Variants in RTL4 observed in about 807,000 individuals in gnomAD.
RTL4 encodes retrotransposon Gag like 4, also known as retrotransposon Gag-like protein 4.
Under a neutral mutation model 5.3 loss-of-function variants are expected in RTL4, and 4 were observed. The ratio of observed to expected loss-of-function variants is 0.75; its 90% CI spans 0.37 to 1.72. RTL4 has a LOEUF of 1.72. RTL4 is among the 40% of genes most tolerant of loss of function. The pLI is 0.04. For synonymous variants in RTL4, 98 were observed against 87.3 expected (o/e 1.12, Z -0.68); for missense variants, 260 against 227.1 (o/e 1.14, Z -0.93).
chrX:112,085,880 A>G, the RTL4 span, among the ~76,000 whole-genome samples: 1 of 111,935 alleles, frequency 8.9e-6, no homozygotes. Flanking sequence ...CAAATTAGCT[A>G]AGTTTTGACA....
the RTL4 span, among the ~76,000 whole-genome samples, chrX:112,208,547 GA>G: frequency 8.9e-6 from 1 of 112,140 alleles, no homozygotes; most frequent in Non-Finnish European, 1.9e-5. Flanking sequence ...TGGAGAGACT[GA>G]AAAAGTCAAT....
the RTL4 span, among the ~76,000 whole-genome samples, chrX:112,374,088 G>A: frequency 4.5e-5 from 5 of 110,738 alleles, no homozygotes; most frequent in Non-Finnish European, 9.5e-5. Context: ...TGTGAAAAAT[G>A]TTTGCCTACC....
chrX:112,356,601 T>C, the RTL4 span, among the ~76,000 whole-genome samples: 1 of 110,479 alleles, frequency 9.1e-6, no homozygotes, highest in South Asian at 3.8e-4. Flanking sequence ...TGTGTGTGTG[T>C]GTGTGTGTGT....
At chrX:112,087,342 T>C in the RTL4 span, among the ~76,000 whole-genome samples, 2 of 109,280 alleles carry the variant, frequency 1.8e-5, no homozygotes, top group Admixed American at 1.9e-4. Flanking sequence ...TTTTTTTTTT[T>C]TTTTTCCAAT....
At chrX:112,179,451 G>A in the RTL4 span, among the ~76,000 whole-genome samples, 2 of 111,889 alleles carry the variant, frequency 1.8e-5, no homozygotes, top group South Asian at 7.6e-4. Context: ...TTCCTCTCTG[G>A]GTTATATGTT....
At chrX:112,185,609 T>G in the RTL4 span, among the ~76,000 whole-genome samples, 1 of 106,962 alleles carries the variant, frequency 9.3e-6, no homozygotes, top group Admixed American at 1.0e-4. Context: ...AGTATGGTGG[T>G]TAATCTCTCT....
At chrX:112,259,282 T>G in the RTL4 span, among the ~76,000 whole-genome samples, 6 of 111,815 alleles carry the variant, frequency 5.4e-5, no homozygotes, top group African/African-American at 1.9e-4. Flanking sequence ...TTTTGTTTTA[T>G]GCTTCTTAGT....
chrX:112,435,268 G>A, the RTL4 span, among the ~76,000 whole-genome samples: 1 of 111,619 alleles, frequency 9.0e-6, no homozygotes, highest in Non-Finnish European at 1.9e-5. Flanking sequence ...AAGCATCCTT[G>A]TATACTGACA....
the RTL4 span, among the ~76,000 whole-genome samples, chrX:112,288,235 CA>C: frequency 8.9e-6 from 1 of 112,029 alleles, no homozygotes; most frequent in African/African-American, 3.2e-5. Flanking sequence ...AGAAATAAAC[CA>C]AAGAAATAGT....
At chrX:112,102,819 CAT>C in the RTL4 span, among the ~76,000 whole-genome samples, 2 of 111,985 alleles carry the variant, frequency 1.8e-5, no homozygotes, top group Non-Finnish European at 3.8e-5. Flanking sequence ...GGACAACAAA[CAT>C]ATGAATAAAA....
chrX:112,372,689 A>G, the RTL4 span, among the ~76,000 whole-genome samples: 2 of 111,653 alleles, frequency 1.8e-5, no homozygotes, highest in Non-Finnish European at 3.8e-5. Flanking sequence ...CTGCTCTTCT[A>G]CTTTGCCCGC....
the RTL4 span, among the ~76,000 whole-genome samples, chrX:112,219,176 T>C: frequency 8.9e-6 from 1 of 112,063 alleles, no homozygotes; most frequent in East Asian, 2.8e-4. Context: ...AATGTACTTA[T>C]ATTTAATTCT....
At chrX:112,372,527 G>C in the RTL4 span, among the ~76,000 whole-genome samples, 20 of 110,916 alleles carry the variant, frequency 1.8e-4, no homozygotes, top group Non-Finnish European at 3.4e-4. Context: ...CCTGGGCTTT[G>C]GGGGAGGAAG....
chrX:112,304,160 T>C, the RTL4 span, among the ~76,000 whole-genome samples: 1 of 108,818 alleles, frequency 9.2e-6, no homozygotes, highest in Admixed American at 9.7e-5. Context: ...CCCAGTCATG[T>C]CTTTTTGTGG....
the RTL4 span, among the ~76,000 whole-genome samples, chrX:112,102,381 G>A: frequency 6.3e-5 from 7 of 111,034 alleles, no homozygotes; most frequent in African/African-American, 9.8e-5. Context: ...TAATCCTAGG[G>A]AAATTATAAA....
the RTL4 span, among the ~76,000 whole-genome samples, chrX:112,352,536 A>C: frequency 9.0e-6 from 1 of 111,163 alleles, no homozygotes; most frequent in Non-Finnish European, 1.9e-5. Context: ...GCATATCTAC[A>C]ACCATCTGAT....
At chrX:112,397,102 G>C in the RTL4 span, among the ~76,000 whole-genome samples, 1 of 111,751 alleles carries the variant, frequency 8.9e-6, no homozygotes, top group East Asian at 2.8e-4. Context: ...ACTATGCACA[G>C]CACCTACTTA....
the RTL4 span, among the ~76,000 whole-genome samples, chrX:112,092,572 A>G: frequency 1.8e-5 from 2 of 111,686 alleles, no homozygotes; most frequent in Admixed American, 1.9e-4. Flanking sequence ...TGGTTCTGAA[A>G]TTGATTACAT....
chrX:112,202,232 T>G, the RTL4 span, among the ~76,000 whole-genome samples: 1 of 111,984 alleles, frequency 8.9e-6, no homozygotes, highest in Non-Finnish European at 1.9e-5. Context: ...GTGTGTTACC[T>G]TTTGGAGTTG....
Sources: allele counts gnomAD v4.1 joint callset (sites outside exome capture counted in the v4.1 genomes callset), GRCh38; gene constraint gnomAD v4.1.1; transcripts MANE v1.5; gene names NCBI Gene and HGNC (gene_info 2026-07-23, HGNC 2026-07-21).